PTCHD1: variants seen among roughly 807,000 people sequenced by gnomAD.
PTCHD1 encodes the protein patched domain-containing protein 1.
A neutral mutation model predicts 34.6 loss-of-function variants in PTCHD1; 3 were observed. The ratio of observed to expected loss-of-function variants is 0.09; its 90% CI spans 0.04 to 0.22. The LOEUF (loss-of-function observed/expected upper bound fraction) is 0.22, where lower values mean the gene tolerates loss of function less well. PTCHD1 is among the 10% of genes least tolerant of loss of function. The pLI, the probability that PTCHD1 is intolerant of heterozygous loss-of-function variation, is 1.00. For missense variants in PTCHD1, 504 were observed against 685.5 expected (o/e 0.74, Z 2.96); for synonymous variants, 305 against 283.1 (o/e 1.08, Z -0.77).
At chrX:23,352,372 A>G (rs1233107938) in intron 1 of PTCHD1, among the ~76,000 whole-genome samples, 1 of 112,282 alleles carries the variant, frequency 8.9e-6, no homozygotes, top group Non-Finnish European at 1.9e-5. Context: ...GAATTTGAGT[A>G]TGAAAGCAAA....
chrX:23,344,813 G>C (rs765892020), intron 1 of PTCHD1, among the ~76,000 whole-genome samples: 9 of 111,662 alleles, frequency 8.1e-5, no homozygotes, highest in Non-Finnish European at 1.5e-4. Flanking sequence ...GAGAGGCTGC[G>C]GGCTCTGGTT....
Position 23,373,413 on chromosome X carries a change from C to T in PTCHD1, c.352-6178C>T, listed in dbSNP as rs895623037. On this transcript the variant is annotated intron_variant, in intron 1 of 2. Coordinates refer to ENST00000379361, the MANE Select transcript of PTCHD1 (RefSeq NM_173495.3). ...GAGCATGGCACCAGGCACACATGTGCAGAGGAAGTGTGTGGATAGATAGTC... is the reference window on the plus strand; with the variant it reads ...GAGCATGGCACCAGGCACACATGTGTAGAGGAAGTGTGTGGATAGATAGTC... Among the ~76,000 whole-genome samples the T allele has an allele frequency of 2.7e-5, 3 of 112,886 alleles. No homozygotes were observed. The Admixed American group carries it at 2.8e-4, about 11-fold the overall frequency.
intron 1 of PTCHD1, among the ~76,000 whole-genome samples, chrX:23,374,372 A>T (rs1364686984): frequency 2.8e-5 from 3 of 108,924 alleles, no homozygotes; most frequent in Non-Finnish European, 5.7e-5. Context: ...TCCTGTGTTA[A>T]TCACCACTCA....
At chrX:23,385,493 T>C (rs1569141344) in intron 2 of PTCHD1, among the ~76,000 whole-genome samples, 2 of 110,732 alleles carry the variant, frequency 1.8e-5, no homozygotes, top group South Asian at 7.8e-4. Flanking sequence ...CCTGTAAAGG[T>C]TGGGCAGCAA....
At chrX:23,369,018 C>G (rs1922214296) in intron 1 of PTCHD1, among the ~76,000 whole-genome samples, 1 of 111,679 alleles carries the variant, frequency 9.0e-6, no homozygotes, top group East Asian at 2.8e-4. Flanking sequence ...GAGTCGAGAT[C>G]ATGCCATTGC....
rs773942889 is a variant in PTCHD1 at position 23,403,046 on chromosome X, C to G, written c.*8861C>G. On this transcript the variant is annotated 3_prime_UTR_variant, in exon 3 of 3. Coordinates refer to ENST00000379361, the MANE Select transcript of PTCHD1 (RefSeq NM_173495.3). ...TAGTTTAAACATTTAAACATGGCCC[C>G]TCTCTTATTGTCATTGCTAGTGAAA... 1.8e-5 allele frequency: 2 copies of G among 112,606 alleles called. No homozygotes were observed. The highest frequency in any genetic ancestry group is 7.3e-4 in the South Asian group (2 of 2,726). The allele number at this position is 112,606 out of a possible 1,213,427, so 9.3% of individuals were successfully genotyped here.
Position 23,400,864 on chromosome X carries a change from GT to G in PTCHD1, c.*6688del, listed in dbSNP as rs1382576236. 8 of 108,884 alleles carry G rather than the reference GT, an allele frequency of 7.3e-5. No individual in the cohort carries two copies. The highest frequency in any genetic ancestry group is 1.7e-4 in the African/African-American group (5 of 29,658). The allele number at this position is 108,884 out of a possible 1,213,427, so 9.0% of individuals were successfully genotyped here. On this transcript the variant is annotated 3_prime_UTR_variant, in exon 3 of 3. Coordinates refer to ENST00000379361, the MANE Select transcript of PTCHD1 (RefSeq NM_173495.3). ...GTTTGTCTTTTTTGTTTGTTTGTTT[GT>G]TTTTTTTTGAGATGGAGTCTCACTC...
chrX:23,395,745 G>T lies in PTCHD1; in HGVS notation c.*1560G>T, dbSNP rs181737817. ...GTTACATTTGAAGCAAATATCTACA[G>T]TATTTTTCCCTTTTAGAGATGTAGC... On this transcript the variant is annotated 3_prime_UTR_variant, in exon 3 of 3. Coordinates refer to ENST00000379361, the MANE Select transcript of PTCHD1 (RefSeq NM_173495.3). 82 of 112,041 alleles carry T rather than the reference G, an allele frequency of 7.3e-4. 1 individual carries two copies. Among genetic ancestry groups the T allele is most frequent in the African/African-American group, 2.4e-3 (73 of 30,785 alleles). 9.2% of individuals were successfully genotyped at this position (112,041 alleles called of 1,213,427 possible). A position where few individuals can be genotyped will look rare whatever the true frequency, so the allele number is the denominator to read the frequency against.
At chrX:23,359,424 T>A (rs1312399120) in intron 1 of PTCHD1, among the ~76,000 whole-genome samples, 1 of 111,630 alleles carries the variant, frequency 9.0e-6, no homozygotes, top group African/African-American at 3.3e-5. Context: ...TGAATGGGAG[T>A]TCACTCATGA....
chrX:23,377,079 G>A (rs1424813671), intron 1 of PTCHD1, among the ~76,000 whole-genome samples: 1 of 112,025 alleles, frequency 8.9e-6, no homozygotes, highest in Non-Finnish European at 1.9e-5. Flanking sequence ...ACCCAGAAGG[G>A]CATGGCCGTC....
chrX:23,390,797 A>T (rs1922810121), intron 2 of PTCHD1, among the ~76,000 whole-genome samples: 1 of 112,304 alleles, frequency 8.9e-6, no homozygotes, highest in African/African-American at 3.2e-5. Context: ...ATGAGGGAAG[A>T]TGTACACCTA....
intron 1 of PTCHD1, among the ~76,000 whole-genome samples, chrX:23,358,396 T>A (rs1921871114): frequency 8.9e-6 from 1 of 112,575 alleles, no homozygotes; most frequent in African/African-American, 3.2e-5. Flanking sequence ...GATTTGCATT[T>A]GTCTGATGAC....
chrX:23,334,486 G>A (rs1170426642), upstream of PTCHD1: 1 of 109,493 alleles, frequency 9.1e-6, no homozygotes, highest in African/African-American at 3.3e-5. Context: ...GACGAGCCGC[G>A]GGGGCTGCCC....
At position 23,340,310 on chromosome X, in the gene PTCHD1, G is replaced by A. The variant is rs191476717; in HGVS notation, c.351+5084G>A. Among the ~76,000 whole-genome samples the A allele has an allele frequency of 2.3e-3, 253 of 111,929 alleles. 1 individual carries two copies. The highest frequency in any genetic ancestry group is 4.0e-3 in the Non-Finnish European group (212 of 53,151). ...AGAGACCAGATTTTCCAGTGTAATC[G>A]TCCCCAAAATGCAGTTATCTTGCTC... On this transcript the variant is annotated intron_variant, in intron 1 of 2. Coordinates refer to ENST00000379361, the MANE Select transcript of PTCHD1 (RefSeq NM_173495.3).
intron 1 of PTCHD1, among the ~76,000 whole-genome samples, chrX:23,348,700 A>T (rs965299879): frequency 4.5e-5 from 5 of 111,941 alleles, no homozygotes; most frequent in Non-Finnish European, 7.5e-5. Context: ...CAGCAAAATT[A>T]TGCTTCAAAG....
At chrX:23,363,801 A>G (rs1922059679) in intron 1 of PTCHD1, among the ~76,000 whole-genome samples, 1 of 112,584 alleles carries the variant, frequency 8.9e-6, no homozygotes, top group African/African-American at 3.2e-5. Flanking sequence ...AAGTCAAGCT[A>G]TTTTTATTAT....
chrX:23,373,332 A>G (rs373658719), intron 1 of PTCHD1, among the ~76,000 whole-genome samples: 147 of 112,717 alleles, frequency 1.3e-3, no homozygotes, highest in African/African-American at 4.6e-3. Flanking sequence ...CCAGACCTGC[A>G]CTAGCATTGC....
chrX:23,356,920 G>A (rs1350583810), intron 1 of PTCHD1, among the ~76,000 whole-genome samples: 1 of 111,855 alleles, frequency 8.9e-6, no homozygotes, highest in Non-Finnish European at 1.9e-5. Context: ...TTTCTGCCAG[G>A]CATTTCATCT....
intron 1 of PTCHD1, among the ~76,000 whole-genome samples, chrX:23,372,826 C>A (rs761191918): frequency 8.9e-6 from 1 of 111,981 alleles, no homozygotes; most frequent in Non-Finnish European, 1.9e-5. Flanking sequence ...TCAACTACAG[C>A]TTAAGCTTGA....
Sources: allele counts gnomAD v4.1 joint callset (sites outside exome capture counted in the v4.1 genomes callset), GRCh38; gene constraint gnomAD v4.1.1; transcripts MANE v1.5; gene names NCBI Gene and HGNC (gene_info 2026-07-23, HGNC 2026-07-21).